SLC4A4: variants seen among roughly 807,000 people sequenced by gnomAD.
SLC4A4 encodes electrogenic sodium bicarbonate cotransporter 1.
Under a neutral mutation model 111.5 loss-of-function variants are expected in SLC4A4, and 27 were observed. That is an observed-to-expected ratio of 0.24 (90% CI 0.18 to 0.33). The LOEUF is 0.33. Among genes scored for constraint, SLC4A4 ranks in the 10% least tolerant of loss-of-function variants. SLC4A4 has a pLI of 1.00. For missense variants in SLC4A4, 909 were observed against 1,315.5 expected (o/e 0.69, Z 4.78); for synonymous variants, 443 against 463.4 (o/e 0.96, Z 0.57).
At chr4:71,567,758 TTAC>T (rs1467242156) in intron 25 of SLC4A4, 27 bp from the exon 26 acceptor site, 2 of 1,074,312 alleles carry the variant, frequency 1.9e-6, no homozygotes, top group Non-Finnish European at 2.7e-6. Context: ...TCTGATTTAC[TTAC>T]TACTTTTTTT....
intron 4 of SLC4A4, among the ~76,000 whole-genome samples, chr4:71,343,073 A>T (rs1054044631): frequency 6.6e-6 from 1 of 152,178 alleles, no homozygotes. Context: ...CTGCAGAGAG[A>T]CTACCATGTC....
At chr4:71,120,923 T>C (rs1057256718) in intron 2 of SLC4A4, among the ~76,000 whole-genome samples, 14 of 152,102 alleles carry the variant, frequency 9.2e-5, no homozygotes, top group Middle Eastern at 3.4e-3. Flanking sequence ...CGGGGAGGTG[T>C]GGAGGGAGAG....
intron 18 of SLC4A4, among the ~76,000 whole-genome samples, chr4:71,536,452 A>T (rs1359411687): frequency 1.0e-4 from 3 of 30,006 alleles, no homozygotes; most frequent in Non-Finnish European, 1.9e-4. Flanking sequence ...ATATATACAT[A>T]TATACATATA....
At chr4:71,278,777 T>G (rs974887472) in intron 3 of SLC4A4, among the ~76,000 whole-genome samples, 1 of 152,214 alleles carries the variant, frequency 6.6e-6, no homozygotes, top group Non-Finnish European at 1.5e-5. Context: ...CCTTTGTCCA[T>G]TTAAAAAATG....
chr4:71,466,960 A>AGAGAGAGAGAGAGAGAGG, intron 13 of SLC4A4, among the ~76,000 whole-genome samples: 1 of 110,770 alleles, frequency 9.0e-6, no homozygotes, highest in South Asian at 3.0e-4. Flanking sequence ...AGAGAGAGAG[A>AGAGAGAGAGAGAGAGAGG]GAGAGGGAGA....
chr4:71,292,842 G>GT (rs869195687), intron 3 of SLC4A4, among the ~76,000 whole-genome samples: 8,967 of 110,162 alleles, frequency 0.081, 649 homozygotes, highest in East Asian at 0.17. Flanking sequence ...GGTTTTTTTT[G>GT]TTTTTTTTTT....
At chr4:71,446,747 C>T (rs756126864) in intron 8 of SLC4A4, among the ~76,000 whole-genome samples, 25 of 152,214 alleles carry the variant, frequency 1.6e-4, no homozygotes, top group Admixed American at 3.9e-4. Context: ...ATTATCTCCC[C>T]GTTAGGTGAT....
At chr4:71,231,060 G>A (rs1458065473) in intron 1 of SLC4A4, among the ~76,000 whole-genome samples, 1 of 152,194 alleles carries the variant, frequency 6.6e-6, no homozygotes, top group Non-Finnish European at 1.5e-5. Context: ...ATAGAGACAA[G>A]TGAAATGCTA....
In SLC4A4 at chr4:71,180,482, A is replaced by T. The variant is rs531095854; in HGVS notation, c.-1-56094A>T. The stretch of plus-strand genomic sequence containing the variant: ...CAAAGGGCTAATATCCAGAATCTAC[A>T]TTGAACTCCAACAAATTTACAAGAA... On this transcript the variant is annotated intron_variant, in intron 2 of 26. Coordinates refer to the SLC4A4 transcript ENST00000649996. Among the ~76,000 whole-genome samples the T allele has an allele frequency of 7.2e-5, 11 of 152,348 alleles. No individual in the cohort carries two copies. The South Asian group carries it at 1.5e-3, about 20-fold the overall frequency.
chr4:71,423,955 C>G (rs557610919), intron 7 of SLC4A4, among the ~76,000 whole-genome samples: 45 of 152,162 alleles, frequency 3.0e-4, no homozygotes, highest in South Asian at 6.2e-4. Flanking sequence ...TCTAAAACAC[C>G]AAAAGCAATG....
At chr4:71,371,504 A>G (rs1731882459) in intron 6 of SLC4A4, among the ~76,000 whole-genome samples, 1 of 152,044 alleles carries the variant, frequency 6.6e-6, no homozygotes, top group African/African-American at 2.4e-5. Context: ...TCGGCCTCCC[A>G]AAGCTCTGGG....
chr4:71,147,554 C>T (rs1247166989), intron 2 of SLC4A4, among the ~76,000 whole-genome samples: 1 of 152,028 alleles, frequency 6.6e-6, no homozygotes, highest in East Asian at 1.9e-4. Flanking sequence ...TGCCAGTGCT[C>T]TATGATGGAG....
intron 1 of SLC4A4, among the ~76,000 whole-genome samples, chr4:71,086,341 C>G (rs1216386087): frequency 6.6e-6 from 1 of 151,824 alleles, no homozygotes; most frequent in Non-Finnish European, 1.5e-5. Context: ...ACAATCATGT[C>G]ATCTGCAAAC....
intron 12 of SLC4A4, among the ~76,000 whole-genome samples, chr4:71,463,939 T>G (rs1313110255): frequency 1.3e-5 from 2 of 152,164 alleles, no homozygotes; most frequent in African/African-American, 4.8e-5. Context: ...ATATTCTCCC[T>G]TACACTCAGT....
At chr4:71,456,716 A>G (rs1726304744) in intron 12 of SLC4A4, among the ~76,000 whole-genome samples, 1 of 152,166 alleles carries the variant, frequency 6.6e-6, no homozygotes, top group Non-Finnish European at 1.5e-5. Flanking sequence ...AGGAATTCCA[A>G]TTTTGAATCC....
At chr4:71,394,372 T>C (rs1447874478) in intron 6 of SLC4A4, among the ~76,000 whole-genome samples, 1 of 151,954 alleles carries the variant, frequency 6.6e-6, no homozygotes, top group African/African-American at 2.4e-5. Flanking sequence ...AAAGAAGATA[T>C]GCAAATGGCC....
At chr4:71,223,746 T>A (rs562491396) in intron 1 of SLC4A4, among the ~76,000 whole-genome samples, 3 of 152,154 alleles carry the variant, frequency 2.0e-5, no homozygotes, top group Middle Eastern at 6.8e-3. Context: ...TTAGATCCAA[T>A]GCTTTTAGGA....
intron 3 of SLC4A4, among the ~76,000 whole-genome samples, chr4:71,257,579 A>G (rs893021759): frequency 6.6e-6 from 1 of 152,226 alleles, no homozygotes. Context: ...CTCTGGCACC[A>G]ACATGATGAC....
At chr4:71,424,807 C>G (rs367900972) in intron 7 of SLC4A4, among the ~76,000 whole-genome samples, 1 of 151,692 alleles carries the variant, frequency 6.6e-6, no homozygotes, top group Non-Finnish European at 1.5e-5. Context: ...CACGTGGACA[C>G]AGGAAGGGGA....
Sources: gnomAD v4.1 joint callset for allele counts (sites outside exome capture counted in the v4.1 genomes callset) on GRCh38, gnomAD v4.1.1 for gene constraint, MANE v1.5 for transcripts, NCBI Gene and HGNC (gene_info 2026-07-23, HGNC 2026-07-21) for gene names.